Variants in KCNQ1 observed in about 807,000 individuals in gnomAD.
KCNQ1 encodes potassium voltage-gated channel subfamily KQT member 1.
A neutral mutation model predicts 72.4 loss-of-function variants in KCNQ1; 49 were observed. The ratio of observed to expected loss-of-function variants is 0.68; its 90% CI spans 0.54 to 0.86. KCNQ1 has a LOEUF of 0.86. KCNQ1 is among the 40% of genes least tolerant of loss of function. The pLI is 0.00. For missense variants in KCNQ1, 790 were observed against 945.1 expected (o/e 0.84, Z 2.15); for synonymous variants, 450 against 412.6 (o/e 1.09, Z -1.10).
rs371805571 is a variant in KCNQ1, at chr11:2,531,766, C to T, written c.477+3748C>T. On this transcript the variant is annotated intron_variant, in intron 2 of 15. Transcript: ENST00000155840. Reference sequence around the variant, plus strand: ...GCTTGGAAGGCAGAGAGACCCTGGCCGCCTCCCTTGTCCCTTTATCTGTCA... The same window carrying T: ...GCTTGGAAGGCAGAGAGACCCTGGCTGCCTCCCTTGTCCCTTTATCTGTCA... Among the ~76,000 whole-genome samples, 27 of 152,320 alleles carry T rather than the reference C, an allele frequency of 1.8e-4. No homozygotes were observed. In the East Asian group the frequency reaches 3.7e-3, roughly 21 times the overall value.
At position 2,837,209 on chromosome 11, in the gene KCNQ1, C is replaced by T. The variant is rs577629813; in HGVS notation, c.1795-10558C>T. On this transcript the variant is annotated intron_variant, in intron 15 of 15. Coordinates refer to ENST00000155840, the MANE Select transcript of KCNQ1 (RefSeq NM_000218.3). ...GCCAGCAGGGACAGCCAAGAGCGCC[C>T]GGGGAGAGGCCTGGGTGGAGACAGA... Among the ~76,000 whole-genome samples the T allele has an allele frequency of 2.6e-3, 389 of 152,236 alleles. 1 individual carries two copies. Among genetic ancestry groups the T allele is most frequent in the Non-Finnish European group, 2.5e-3 (167 of 67,994 alleles).
chr11:2,684,695 C>T (rs1850454515), intron 11 of KCNQ1: 2 of 398,512 alleles, frequency 5.0e-6, no homozygotes, highest in Non-Finnish European at 8.8e-6. Context: ...CAACTGAGCA[C>T]TTGCTCAGGC....
intron 10 of KCNQ1, chr11:2,649,417 C>T (rs1849723929): frequency 2.5e-6 from 1 of 398,412 alleles, no homozygotes; most frequent in Non-Finnish European, 4.4e-6. Flanking sequence ...TAGATATCAT[C>T]CTCCTACTTC....
rs561112563 is a variant in KCNQ1 at position 2,451,451 on chromosome 11, C to A, written c.386+5967C>A. Among the ~76,000 whole-genome samples, 2 of 152,150 alleles carry A rather than the reference C, an allele frequency of 1.3e-5. No homozygotes were observed. Among genetic ancestry groups the A allele is most frequent in the Admixed American group, 6.5e-5 (1 of 15,270 alleles). On this transcript the variant is annotated intron_variant, in intron 1 of 15. Transcript: ENST00000155840. This position sits in a 1 kb window ranked among gnomAD's most constrained non-coding sequence, Gnocchi z 6.4. ...GGCCACGGACCCGGGGTTGGAGAAC[C>A]CTGTCTTAGAGGATTGAGGCTCGGG...
At chr11:2,499,663 G>A (rs1486150658) in intron 1 of KCNQ1, among the ~76,000 whole-genome samples, 2 of 151,988 alleles carry the variant, frequency 1.3e-5, no homozygotes, top group Non-Finnish European at 2.9e-5. Flanking sequence ...ATCAGGAGTA[G>A]CTATACTTGT....
At chr11:2,610,376 G>A in intron 10 of KCNQ1, 1 of 398,170 alleles carries the variant, frequency 2.5e-6, no homozygotes, top group Non-Finnish European at 4.4e-6. Flanking sequence ...TATCTTTAAA[G>A]AAGCTGAAAG....
intron 12 of KCNQ1, among the ~76,000 whole-genome samples, 185 bp from the exon 13 acceptor site, chr11:2,775,775 G>C (rs1465540164): frequency 6.6e-6 from 1 of 152,188 alleles, no homozygotes. Context: ...GAGACCCATG[G>C]CCAAGCTGAT....
chr11:2,533,788 G>A (rs1847681481), intron 2 of KCNQ1, among the ~76,000 whole-genome samples: 1 of 152,226 alleles, frequency 6.6e-6, no homozygotes, highest in Non-Finnish European at 1.5e-5. Context: ...GTGAGGGCCT[G>A]GCTTTTGTCT....
In KCNQ1 at chr11:2,536,426, C is replaced by T. The variant is rs905326646; in HGVS notation, c.477+8408C>T. On this transcript the variant is annotated intron_variant, in intron 2 of 15. Transcript: ENST00000155840. This position sits in a 1 kb window ranked among gnomAD's most constrained non-coding sequence, Gnocchi z 7.4. ...AGTGCCTTGTTGGAGTGGAGGCTGG[C>T]GCTGCCCTGCCCCACAGGGTGGCTG... Among the ~76,000 whole-genome samples the T allele has an allele frequency of 1.3e-5, 2 of 151,938 alleles. No individual in the cohort carries two copies. Among genetic ancestry groups the T allele is most frequent in the African/African-American group, 2.4e-5 (1 of 41,376 alleles).
chr11:2,848,660 C>G lies in KCNQ1; in HGVS notation c.*657C>G, dbSNP rs2134099318. ...CGTGGTTGAGTGGGGGGAACGCCCA[C>G]TTCCCTGGGTTAGACTGCCAGCTCT... is the stretch of plus-strand genomic sequence containing the variant. On this transcript the variant is annotated 3_prime_UTR_variant, in exon 16 of 16. Coordinates refer to ENST00000155840, the MANE Select transcript of KCNQ1 (RefSeq NM_000218.3). 1 of 451,360 alleles carries G rather than the reference C, an allele frequency of 2.2e-6. No individual in the cohort carries two copies. Among genetic ancestry groups the G allele is most frequent in the African/African-American group, 2.0e-5 (1 of 50,084 alleles). 28.0% of individuals were successfully genotyped at this position (451,360 alleles called of 1,614,324 possible). A position where few individuals can be genotyped will look rare whatever the true frequency, so the allele number is the denominator to read the frequency against.
intron 15 of KCNQ1, among the ~76,000 whole-genome samples, chr11:2,793,090 T>G (rs1248757132): frequency 3.3e-5 from 5 of 152,212 alleles, no homozygotes; most frequent in African/African-American, 4.8e-5. Context: ...GAGGAGATGC[T>G]GATGCCTGGG....
intron 2 of KCNQ1, among the ~76,000 whole-genome samples, chr11:2,560,238 TGGGGGGGTGACGTCCATCCTGGGGGAGTG>T (rs560391933): frequency 0.14 from 2,496 of 17,926 alleles, 214 homozygotes; most frequent in South Asian, 0.3. Flanking sequence ...CCTTGGGGGA[TGGGGGGGTGACGTCCATCCTGGGGGAGTG>T]GGGGCGGTGA....
In KCNQ1 at chr11:2,768,877, C is replaced by T. The variant is rs748073960; in HGVS notation, c.1548C>T (p.Val516=). The change falls in exon 12 of 16, where the codon GTC becomes GTT. Residue 516 remains valine, a synonymous_variant. Transcript: ENST00000155840. The surrounding 1 kb of genome is among the most constrained non-coding windows in gnomAD (Gnocchi z 6.7). ...AACACCATCGGGCCACCATTAAGGTCATTCGACGCATGCAGTACTTTGTGG... is the reference window on the plus strand; with the variant it reads ...AACACCATCGGGCCACCATTAAGGTTATTCGACGCATGCAGTACTTTGTGG... ...LREHHRATIK[V]IRRMQYFVAK... 13 of 1,613,948 alleles carry T rather than the reference C, an allele frequency of 8.1e-6. No homozygotes were observed. The African/African-American group carries it at 9.3e-5, about 12-fold the overall frequency.
intron 1 of KCNQ1, among the ~76,000 whole-genome samples, chr11:2,480,422 C>T (rs1227280569): frequency 6.6e-6 from 1 of 152,218 alleles, no homozygotes; most frequent in Non-Finnish European, 1.5e-5. Context: ...GCACATCTTA[C>T]GTGGCAGCTG....
rs1002883740 is a variant in KCNQ1, at chr11:2,642,664, C to G, written c.1394-19297C>G. On this transcript the variant is annotated intron_variant, in intron 10 of 15. Coordinates refer to ENST00000155840, the MANE Select transcript of KCNQ1 (RefSeq NM_000218.3). The surrounding 1 kb of genome is among the most constrained non-coding windows in gnomAD (Gnocchi z 4.3). The stretch of plus-strand genomic sequence containing the variant: ...TATTTATTTAGTTTCTTGTTTAGTT[C>G]TGCTCTGATCTTCGTTATTTCTTTC... 3 of 397,550 alleles carry G rather than the reference C, an allele frequency of 7.5e-6. No homozygotes were observed. The highest frequency in any genetic ancestry group is 7.2e-5 in the East Asian group (2 of 27,936). 24.6% of individuals were successfully genotyped at this position (397,550 alleles called of 1,614,324 possible).
chr11:2,825,059 TGGTGCAGGA>T (rs1046615769), intron 15 of KCNQ1, among the ~76,000 whole-genome samples: 2 of 152,204 alleles, frequency 1.3e-5, no homozygotes, highest in Non-Finnish European at 2.9e-5. Flanking sequence ...CACATGTGGC[TGGTGCAGGA>T]GGCGCAGTGT....
At position 2,677,449 on chromosome 11, in the gene KCNQ1, G is replaced by A; in HGVS notation, c.1514+15368G>A. 2.5e-6 allele frequency: 1 copy of A among 398,472 alleles called. No homozygotes were observed. Among genetic ancestry groups the A allele is most frequent in the Non-Finnish European group, 4.4e-6 (1 of 226,034 alleles). 24.7% of individuals were successfully genotyped at this position (398,472 alleles called of 1,614,324 possible). A position where few individuals can be genotyped will look rare whatever the true frequency, so the allele number is the denominator to read the frequency against. On this transcript the variant is annotated intron_variant, in intron 11 of 15. Transcript: ENST00000155840. This position sits in a 1 kb window ranked among gnomAD's most constrained non-coding sequence, Gnocchi z 4.5. ...AGGGGAGATGATAATTGATGCAGGT[G>A]GCCTCTTGGTCAAGCAGTGAAACCA... is the stretch of plus-strand genomic sequence containing the variant.
Position 2,769,415 on chromosome 11 carries a change from C to G in KCNQ1, c.1590+496C>G, listed in dbSNP as rs1173051426. ...GTTGGGAGGATGGAGGGAGGCTGGG[C>G]CCTGCTCTGTAAGAGGTGGGGTCCC... On this transcript the variant is annotated intron_variant, in intron 12 of 15. Coordinates refer to ENST00000155840, the MANE Select transcript of KCNQ1 (RefSeq NM_000218.3). The surrounding 1 kb of genome is among the most constrained non-coding windows in gnomAD (Gnocchi z 4.6). 6.6e-6 allele frequency among the ~76,000 whole-genome samples: 1 copy of G among 152,148 alleles called. No homozygotes were observed. Among genetic ancestry groups the G allele is most frequent in the Non-Finnish European group, 1.5e-5 (1 of 68,020 alleles).
Position 2,611,174 on chromosome 11 carries a change from C to G in KCNQ1, c.1393+22320C>G, listed in dbSNP as rs1848974597. ...CATTGTAAAATGCTTCTCAGTATCTCTAATAACATGGTTTGTTTTTAAAGT... is the reference window on the plus strand; with the variant it reads ...CATTGTAAAATGCTTCTCAGTATCTGTAATAACATGGTTTGTTTTTAAAGT... On this transcript the variant is annotated intron_variant, in intron 10 of 15. Transcript: ENST00000155840. The surrounding 1 kb of genome is among the most constrained non-coding windows in gnomAD (Gnocchi z 5.3). The G allele has an allele frequency of 2.5e-6, 1 of 398,318 alleles. No individual in the cohort carries two copies. The highest frequency in any genetic ancestry group is 2.1e-5 in the African/African-American group (1 of 48,590). The allele number at this position is 398,318 out of a possible 1,614,324, so 24.7% of individuals were successfully genotyped here.
Sources: allele counts gnomAD v4.1 joint callset (sites outside exome capture counted in the v4.1 genomes callset), GRCh38; gene constraint gnomAD v4.1.1; non-coding constraint Gnocchi (gnomAD v3.1); transcripts MANE v1.5; gene names NCBI Gene and HGNC (gene_info 2026-07-23, HGNC 2026-07-21).